Variants in TNR observed in about 807,000 individuals in gnomAD.
TNR encodes the protein tenascin R.
Under a neutral mutation model 150.4 loss-of-function variants are expected in TNR, and 45 were observed. The observed-to-expected ratio is 0.30, with a 90% CI of 0.24 to 0.38. The LOEUF is 0.38. Among genes scored for constraint, TNR ranks in the 10% least tolerant of loss-of-function variants. The probability of loss-of-function intolerance (pLI) is 1.00; values close to 1 mark genes in which losing one functional copy is unlikely to be tolerated. For missense variants in TNR, 1,544 were observed against 1,759.1 expected (o/e 0.88, Z 2.19); for synonymous variants, 687 against 678.4 (o/e 1.01, Z -0.20).
At chr1:175,640,201 T>C in intron 1 of TNR, among the ~76,000 whole-genome samples, 1 of 152,252 alleles carries the variant, frequency 6.6e-6, no homozygotes, top group African/African-American at 2.4e-5. Flanking sequence ...TCTACACAGC[T>C]TAAATTCAGA....
intron 1 of TNR, among the ~76,000 whole-genome samples, chr1:175,717,677 A>G (rs1444841348): frequency 2.0e-5 from 3 of 152,168 alleles, no homozygotes; most frequent in Admixed American, 6.5e-5. Context: ...AGTGCTTCCT[A>G]CAGTGGAGTC....
Position 175,320,573 on chromosome 1 carries a change from C to G in TNR, c.*2784G>C, listed in dbSNP as rs1011361912. The G allele has an allele frequency of 6.6e-6, 1 of 152,128 alleles. No individual in the cohort carries two copies. Among genetic ancestry groups the G allele is most frequent in the African/African-American group, 2.4e-5 (1 of 41,422 alleles). The allele number at this position is 152,128 out of a possible 1,614,324, so 9.4% of individuals were successfully genotyped here. ...TTCACCTGAATTGACAACACATAAT[C>G]TTTTTCCATTTCAACTTCCTTGATG... On this transcript the variant is annotated 3_prime_UTR_variant, in exon 23 of 23. Transcript: ENST00000367674.
chr1:175,447,552 C>T (rs193180277), intron 2 of TNR, among the ~76,000 whole-genome samples: 2 of 152,180 alleles, frequency 1.3e-5, no homozygotes, highest in African/African-American at 2.4e-5. Context: ...CTCTATAAAT[C>T]AGCAAATTGA....
At chr1:175,435,487 G>C (rs1655463664) in intron 2 of TNR, among the ~76,000 whole-genome samples, 1 of 152,214 alleles carries the variant, frequency 6.6e-6, no homozygotes, top group Admixed American at 6.5e-5. Context: ...TATGAAATTT[G>C]AGATAGCGAT....
At chr1:175,431,194 G>T (rs1418178688) in intron 2 of TNR, among the ~76,000 whole-genome samples, 1 of 152,144 alleles carries the variant, frequency 6.6e-6, no homozygotes, top group Non-Finnish European at 1.5e-5. Context: ...TGGACCTTTA[G>T]GGAGGAATAA....
Position 175,362,724 on chromosome 1 carries a change from G to C in TNR, c.2793C>G (p.Ile931Met), listed in dbSNP as rs867997942. The C allele has an allele frequency of 1.2e-6, 2 of 1,614,166 alleles. No individual in the cohort carries two copies. Among genetic ancestry groups the C allele is most frequent in the Admixed American group, 3.3e-5 (2 of 60,016 alleles). ...TRLNPATEYE[I>M]SLNSVRGREE... is the part of the protein sequence containing the mutation. ...CCCTGCCCCGCACGCTGTTGAGGCT[G>C]ATTTCGTATTCGGTAGCTGGGTTCA... Residue 931 changes from isoleucine (I) to methionine (M), a missense_variant, in exon 14 of 23, where the codon ATC becomes ATG. Transcript: ENST00000367674.
intron 2 of TNR, among the ~76,000 whole-genome samples, chr1:175,482,921 G>A (rs1184257138): frequency 6.6e-6 from 1 of 152,172 alleles, no homozygotes; most frequent in Non-Finnish European, 1.5e-5. Flanking sequence ...ACCTCACCTG[G>A]TGGGCGCTCC....
chr1:175,682,850 G>A (rs1666078698), intron 1 of TNR, among the ~76,000 whole-genome samples: 1 of 152,142 alleles, frequency 6.6e-6, no homozygotes, highest in African/African-American at 2.4e-5. Flanking sequence ...CATGGGTGCT[G>A]GAATGGTGTG....
rs745438757 is a variant in TNR, at chr1:175,386,008, G to A, written c.1777+24C>T. 1.4e-5 allele frequency: 22 copies of A among 1,538,498 alleles called. No homozygotes were observed. The East Asian group carries it at 1.8e-4, about 13-fold the overall frequency. On this transcript the variant is annotated intron_variant, in intron 8 of 22. Coordinates refer to ENST00000367674, the MANE Select transcript of TNR (RefSeq NM_003285.3). ...TCCACCCCTCTTTCCCTCCTTGTGCGTCTCTCCCCCACCGCAGCCTTACCT... is the reference window on the plus strand; with the variant it reads ...TCCACCCCTCTTTCCCTCCTTGTGCATCTCTCCCCCACCGCAGCCTTACCT...
At chr1:175,425,588 T>C (rs1654933698) in intron 2 of TNR, among the ~76,000 whole-genome samples, 3 of 152,112 alleles carry the variant, frequency 2.0e-5, no homozygotes, top group Admixed American at 2.0e-4. Context: ...ATGATGTCAG[T>C]TCCTGGAGCA....
chr1:175,460,926 T>A (rs960173960), intron 2 of TNR, among the ~76,000 whole-genome samples: 3 of 152,190 alleles, frequency 2.0e-5, no homozygotes, highest in African/African-American at 7.2e-5. Context: ...CTCATATATA[T>A]GTGTGCACAT....
At chr1:175,442,692 A>G (rs1207653807) in intron 2 of TNR, among the ~76,000 whole-genome samples, 1 of 151,774 alleles carries the variant, frequency 6.6e-6, no homozygotes, top group Non-Finnish European at 1.5e-5. Flanking sequence ...TCCAAGCATT[A>G]AAGTATAATA....
intron 2 of TNR, among the ~76,000 whole-genome samples, chr1:175,485,543 C>T (rs553964234): frequency 2.6e-5 from 4 of 152,184 alleles, no homozygotes; most frequent in Admixed American, 6.5e-5. Flanking sequence ...CCCCTAAATA[C>T]GTAGAAGGTG....
At chr1:175,533,224 C>T (rs1237789932) in intron 1 of TNR, among the ~76,000 whole-genome samples, 1 of 152,206 alleles carries the variant, frequency 6.6e-6, no homozygotes, top group Non-Finnish European at 1.5e-5. Context: ...CCTCTAAGCA[C>T]TTATTTTCTA....
chr1:175,325,572 T>A (rs1211814000), intron 21 of TNR, among the ~76,000 whole-genome samples: 2 of 152,220 alleles, frequency 1.3e-5, no homozygotes, highest in Admixed American at 1.3e-4. Flanking sequence ...TGCACACATA[T>A]GTTTATTGCA....
At chr1:175,512,352 A>G (rs1298648975) in intron 2 of TNR, among the ~76,000 whole-genome samples, 3 of 152,252 alleles carry the variant, frequency 2.0e-5, no homozygotes, top group African/African-American at 7.2e-5. Flanking sequence ...TCTTTATCAG[A>G]CACTCAAAGT....
intron 1 of TNR, among the ~76,000 whole-genome samples, chr1:175,708,018 TTGTGTGTGTGTGTGTGTGTGTGTGTGTG>T (rs10676470): frequency 6.9e-6 from 1 of 144,654 alleles, no homozygotes. Context: ...ATGTGTGTGT[TTGTGTGTGTGTGTGTGTGTGTGTGTGTG>T]TGTGTGTGTG....
At chr1:175,481,098 C>A (rs1003315482) in intron 2 of TNR, among the ~76,000 whole-genome samples, 3 of 152,108 alleles carry the variant, frequency 2.0e-5, no homozygotes, top group African/African-American at 7.2e-5. Context: ...ACATTTCAGG[C>A]ATTGTCTGGA....
intron 2 of TNR, among the ~76,000 whole-genome samples, chr1:175,482,316 C>T (rs1394913696): frequency 1.3e-5 from 2 of 152,192 alleles, no homozygotes; most frequent in Non-Finnish European, 2.9e-5. Flanking sequence ...ATGAAAACAG[C>T]TCTTCCCAGA....
Sources: allele counts gnomAD v4.1 joint callset (sites outside exome capture counted in the v4.1 genomes callset), GRCh38; gene constraint gnomAD v4.1.1; transcripts MANE v1.5; gene names NCBI Gene and HGNC (gene_info 2026-07-23, HGNC 2026-07-21).